The following ACBD6 variants were observed in gnomAD, a reference collection of about 807,000 sequenced individuals.
ACBD6 encodes acyl-CoA binding domain containing 6.
In ACBD6, 28 loss-of-function variants were observed where a neutral mutation model predicts 37.2. That is an observed-to-expected ratio of 0.75 (90% confidence interval 0.56 to 1.03). The LOEUF (loss-of-function observed/expected upper bound fraction) is 1.03. Among genes scored for constraint, ACBD6 ranks in the 50% least tolerant of loss-of-function variants. ACBD6 has a pLI of 0.00. For missense variants in ACBD6, 340 were observed against 337.4 expected (o/e 1.01, Z -0.06); for synonymous variants, 113 against 126.8 (o/e 0.89, Z 0.73).
chr1:180,484,081 C>T (rs777469321), intron 3 of ACBD6, among the ~76,000 whole-genome samples: 3 of 152,130 alleles, frequency 2.0e-5, no homozygotes, highest in Non-Finnish European at 4.4e-5. Flanking sequence ...GGTGGTCCTG[C>T]TTTACATGTC....
exon 10 of ACBD6, chr1:180,274,904 T>C (rs2149269302): frequency 4.0e-6 from 1 of 252,174 alleles, no homozygotes; most frequent in South Asian, 1.1e-4. Flanking sequence ...ACAAGGTGAC[T>C]GTGATAGGCC....
chr1:180,330,580 C>T (rs565156068), intron 6 of ACBD6, among the ~76,000 whole-genome samples: 61 of 152,216 alleles, frequency 4.0e-4, no homozygotes, highest in Non-Finnish European at 4.9e-4. Context: ...TAGATGATAT[C>T]CAAATTGATA....
intron 6 of ACBD6, among the ~76,000 whole-genome samples, chr1:180,340,918 T>A (rs1437513705): frequency 1.3e-5 from 2 of 152,092 alleles, no homozygotes; most frequent in Non-Finnish European, 2.9e-5. Context: ...TCGAGATATC[T>A]AAATTTTGAG....
At chr1:180,449,993 C>T in intron 3 of ACBD6, among the ~76,000 whole-genome samples, 1 of 149,414 alleles carries the variant, frequency 6.7e-6, no homozygotes. Context: ...CACTAGATGT[C>T]ACATTCAGGA....
At chr1:180,299,764 T>A (rs1277162843) in intron 7 of ACBD6, among the ~76,000 whole-genome samples, 1 of 151,940 alleles carries the variant, frequency 6.6e-6, no homozygotes. Context: ...GCAATGATAT[T>A]AGTATTCCCA....
At chr1:180,484,005 G>A (rs992456958) in intron 3 of ACBD6, among the ~76,000 whole-genome samples, 2 of 152,048 alleles carry the variant, frequency 1.3e-5, no homozygotes, top group African/African-American at 4.8e-5. Flanking sequence ...TATTTATCAG[G>A]AATAAAAACA....
At chr1:180,316,047 CT>C (rs1650785598) in intron 6 of ACBD6, among the ~76,000 whole-genome samples, 1 of 151,874 alleles carries the variant, frequency 6.6e-6, no homozygotes, top group East Asian at 1.9e-4. Context: ...TTTTTCTTGT[CT>C]TTTTAGATAC....
chr1:180,354,414 T>C (rs1365178567), intron 6 of ACBD6, among the ~76,000 whole-genome samples: 1 of 152,252 alleles, frequency 6.6e-6, no homozygotes, highest in Non-Finnish European at 1.5e-5. Context: ...CATCCCCCTT[T>C]ATGGTATTTT....
At chr1:180,447,935 C>G (rs1223066187) in intron 3 of ACBD6, among the ~76,000 whole-genome samples, 1 of 151,622 alleles carries the variant, frequency 6.6e-6, no homozygotes, top group African/African-American at 2.4e-5. Flanking sequence ...AATGGATAAA[C>G]AGACCATGAT....
chr1:180,435,999 G>A, intron 3 of ACBD6: 1 of 864,612 alleles, frequency 1.2e-6, no homozygotes, highest in East Asian at 2.4e-5. Flanking sequence ...GCTACCTTCA[G>A]AATTTACTGT....
At chr1:180,317,205 T>C (rs931669694) in intron 6 of ACBD6, among the ~76,000 whole-genome samples, 9 of 152,114 alleles carry the variant, frequency 5.9e-5, no homozygotes, top group African/African-American at 2.2e-4. Context: ...AATTATTATG[T>C]GTCAATTTTA....
In ACBD6 at chr1:180,303,462, A is replaced by G. The variant is rs142929397; in HGVS notation, c.694+11230T>C. On this transcript the variant is annotated intron_variant, in intron 7 of 7. Coordinates refer to ENST00000367595, the MANE Select transcript of ACBD6 (RefSeq NM_032360.4). Reference sequence around the variant, plus strand: ...CCGCAGAAATACAAACTACCATCAGAGAATATTATAAACACCTCTACGCAA... The same window carrying G: ...CCGCAGAAATACAAACTACCATCAGGGAATATTATAAACACCTCTACGCAA... Among the ~76,000 whole-genome samples, 1,022 of 151,126 alleles carry G rather than the reference A, an allele frequency of 6.8e-3. 27 individuals carry two copies. Among genetic ancestry groups the G allele is most frequent in the African/African-American group, 0.024 (975 of 41,478 alleles).
At chr1:180,351,284 T>G (rs1198047274) in intron 6 of ACBD6, among the ~76,000 whole-genome samples, 2 of 151,634 alleles carry the variant, frequency 1.3e-5, no homozygotes, top group Non-Finnish European at 2.9e-5. Context: ...TATTACGTTT[T>G]TTTTTTTTTT....
At chr1:180,407,666 A>G (rs926230224) in intron 5 of ACBD6, among the ~76,000 whole-genome samples, 9 of 152,166 alleles carry the variant, frequency 5.9e-5, no homozygotes, top group African/African-American at 2.2e-4. Context: ...ACTCTCCCAG[A>G]CCTGGTTTCT....
chr1:180,399,176 A>C (rs551783531), intron 5 of ACBD6, among the ~76,000 whole-genome samples: 168 of 152,342 alleles, frequency 1.1e-3, no homozygotes, highest in African/African-American at 3.6e-3. Context: ...GCAGAGAAAA[A>C]GTGTGGTCAA....
chr1:180,374,703 A>G (rs1404331476), intron 6 of ACBD6, among the ~76,000 whole-genome samples: 1 of 152,210 alleles, frequency 6.6e-6, no homozygotes, highest in African/African-American at 2.4e-5. Flanking sequence ...ACACTATGTG[A>G]CGGAAAACAG....
At chr1:180,333,704 A>G (rs941610284) in intron 6 of ACBD6, among the ~76,000 whole-genome samples, 1 of 152,214 alleles carries the variant, frequency 6.6e-6, no homozygotes, top group Non-Finnish European at 1.5e-5. Context: ...CGTGAGCCAA[A>G]GCAGGGCAAG....
chr1:180,469,760 A>T (rs6663823), intron 3 of ACBD6, among the ~76,000 whole-genome samples: 17,085 of 152,144 alleles, frequency 0.11, 1,415 homozygotes, highest in African/African-American at 0.23. Flanking sequence ...GTGCAGGTTA[A>T]CATTCACTAA....
chr1:180,289,331 T>C (rs1393097552), intron 7 of ACBD6, among the ~76,000 whole-genome samples: 1 of 152,064 alleles, frequency 6.6e-6, no homozygotes, highest in Non-Finnish European at 1.5e-5. Context: ...AGATGAAACA[T>C]AAATGGCAAT....
Sources: allele counts gnomAD v4.1 joint callset (sites outside exome capture counted in the v4.1 genomes callset), GRCh38; gene constraint gnomAD v4.1.1; transcripts MANE v1.5; gene names NCBI Gene and HGNC (gene_info 2026-07-23, HGNC 2026-07-21).